Variants in RPH3A observed in about 807,000 individuals in gnomAD.
The protein encoded by RPH3A is rabphilin 3A.
In RPH3A, 48 loss-of-function variants were observed where a neutral mutation model predicts 102.2. The observed-to-expected ratio is 0.47, with a 90% confidence interval of 0.37 to 0.60. The LOEUF (loss-of-function observed/expected upper bound fraction) is 0.60, where lower values mean the gene tolerates loss of function less well. RPH3A is among the 20% of genes least tolerant of loss of function. RPH3A has a pLI of 0.00. For missense variants in RPH3A, 781 were observed against 910.1 expected (o/e 0.86, Z 1.83); for synonymous variants, 310 against 324.3 (o/e 0.96, Z 0.47).
intron 1 of RPH3A, among the ~76,000 whole-genome samples, chr12:112,576,497 G>C (rs575580630): frequency 6.6e-6 from 1 of 152,232 alleles, no homozygotes; most frequent in Admixed American, 6.5e-5. Context: ...GGTATTACAA[G>C]CTTCAGCCAC....
At chr12:112,740,007 C>T (rs998091927) in intron 1 of RPH3A, among the ~76,000 whole-genome samples, 2 of 152,182 alleles carry the variant, frequency 1.3e-5, no homozygotes, top group African/African-American at 2.4e-5. Flanking sequence ...GCCTCACCCT[C>T]CCTTATAGCC....
chr12:112,858,266 C>CAAAAAAAAA (rs1164602599), intron 5 of RPH3A, among the ~76,000 whole-genome samples: 302 of 44,764 alleles, frequency 6.7e-3, no homozygotes, highest in Non-Finnish European at 7.5e-3. Flanking sequence ...GACCCTGTCT[C>CAAAAAAAAA]AAAAAAAAAA....
At chr12:112,866,589 G>A (rs2042614762) in intron 6 of RPH3A, among the ~76,000 whole-genome samples, 168 bp from the exon 7 acceptor site, 1 of 152,160 alleles carries the variant, frequency 6.6e-6, no homozygotes, top group South Asian at 2.1e-4. Context: ...TTGGAAACAA[G>A]ACTCAAATTG....
chr12:112,633,227 A>T (rs2039820123), intron 1 of RPH3A, among the ~76,000 whole-genome samples: 1 of 152,286 alleles, frequency 6.6e-6, no homozygotes, highest in East Asian at 1.9e-4. Context: ...AACAAAAAAG[A>T]TAACAATCTA....
rs143198785 is a variant in RPH3A at position 112,825,827 on chromosome 12, A to G, written c.-18-2474A>G. 7.0e-3 allele frequency among the ~76,000 whole-genome samples: 1,062 copies of G among 152,332 alleles called. 43 individuals are homozygous for G. The highest frequency in any genetic ancestry group is 0.062 in the Admixed American group (955 of 15,298). On this transcript the variant is annotated intron_variant, in intron 2 of 21. Coordinates refer to ENST00000389385, the MANE Select transcript of RPH3A (RefSeq NM_001143854.2). ...ACTTATATTAAATTGGGGTAGTGATAAGAGCTAGGAGGAAAACTAAATCAG... is the reference window on the plus strand; with the variant it reads ...ACTTATATTAAATTGGGGTAGTGATGAGAGCTAGGAGGAAAACTAAATCAG...
intron 1 of RPH3A, among the ~76,000 whole-genome samples, chr12:112,655,322 C>G (rs2040003310): frequency 6.6e-6 from 1 of 152,214 alleles, no homozygotes; most frequent in Non-Finnish European, 1.5e-5. Flanking sequence ...TGCAGACGCA[C>G]CACTCACATT....
At chr12:112,580,853 T>A (rs929195536) in intron 1 of RPH3A, among the ~76,000 whole-genome samples, 3 of 152,198 alleles carry the variant, frequency 2.0e-5, no homozygotes. Context: ...ATCCCTACAT[T>A]GTCAAAGCAC....
upstream of RPH3A, among the ~76,000 whole-genome samples, chr12:112,786,970 C>T (rs1449032573): frequency 6.6e-6 from 1 of 152,048 alleles, no homozygotes; most frequent in Non-Finnish European, 1.5e-5. Context: ...TTTTCTAGAG[C>T]CTGCCCACAT....
intron 4 of RPH3A, among the ~76,000 whole-genome samples, chr12:112,839,305 CT>C (rs141064239): frequency 1.3e-5 from 2 of 151,552 alleles, no homozygotes; most frequent in East Asian, 1.9e-4. Context: ...AAGTTTCACT[CT>C]TTTTTTTCTT....
At chr12:112,838,042 G>A (rs972902511) in intron 4 of RPH3A, among the ~76,000 whole-genome samples, 4 of 152,124 alleles carry the variant, frequency 2.6e-5, no homozygotes, top group African/African-American at 9.7e-5. Flanking sequence ...CAAATAAAGG[G>A]CCAGTCACCA....
chr12:112,822,384 C>T (rs955749361), intron 2 of RPH3A, among the ~76,000 whole-genome samples: 7 of 152,244 alleles, frequency 4.6e-5, no homozygotes, highest in Admixed American at 3.3e-4. Context: ...CGCTGGGTCA[C>T]GTTCAGACAC....
intron 1 of RPH3A, among the ~76,000 whole-genome samples, chr12:112,615,129 A>C (rs1262523532): frequency 6.6e-6 from 1 of 152,148 alleles, no homozygotes; most frequent in Non-Finnish European, 1.5e-5. Flanking sequence ...CAGCACCTTG[A>C]TGGGATCTGG....
chr12:112,630,168 C>T (rs985434108), intron 1 of RPH3A, among the ~76,000 whole-genome samples: 10 of 152,206 alleles, frequency 6.6e-5, no homozygotes, highest in African/African-American at 1.9e-4. Context: ...ATCCATCCAT[C>T]CATCATCCAT....
At chr12:112,648,142 C>T (rs991297615) in intron 1 of RPH3A, among the ~76,000 whole-genome samples, 2 of 152,122 alleles carry the variant, frequency 1.3e-5, no homozygotes, top group Admixed American at 6.5e-5. Flanking sequence ...GTGTATTTCC[C>T]ACTTGTATTT....
chr12:112,819,110 A>G lies in RPH3A; in HGVS notation c.-18-9191A>G, dbSNP rs151065393. ...GAGATATATATATGTGTGTGTGTGT[A>G]TATATATATATTTGAGATGGACTCT... On this transcript the variant is annotated intron_variant, in intron 2 of 21. Coordinates refer to ENST00000389385, the MANE Select transcript of RPH3A (RefSeq NM_001143854.2). Among the ~76,000 whole-genome samples, 749 of 151,152 alleles carry G rather than the reference A, an allele frequency of 5.0e-3. 7 individuals carry two copies. The highest frequency in any genetic ancestry group is 0.017 in the African/African-American group (701 of 41,226).
At chr12:112,750,681 G>A (rs1028199163) in intron 1 of RPH3A, among the ~76,000 whole-genome samples, 6 of 152,132 alleles carry the variant, frequency 3.9e-5, no homozygotes, top group African/African-American at 1.2e-4. Context: ...CTTGAAACAT[G>A]CCTTAACTTT....
chr12:112,735,165 A>G (rs1424889596), intron 1 of RPH3A, among the ~76,000 whole-genome samples: 1 of 152,226 alleles, frequency 6.6e-6, no homozygotes, highest in African/African-American at 2.4e-5. Context: ...CCTCGGGAAA[A>G]TCGCCCAAGG....
chr12:112,856,629 T>C (rs936021285), intron 5 of RPH3A, among the ~76,000 whole-genome samples: 8 of 152,090 alleles, frequency 5.3e-5, no homozygotes, highest in Non-Finnish European at 2.9e-5. Flanking sequence ...TTGAGTCCTA[T>C]AAATTTCTCA....
At position 112,847,804 on chromosome 12, in the gene RPH3A, A is replaced by G; in HGVS notation, c.192A>G (p.Arg64=). 6.2e-7 allele frequency: 1 copy of G among 1,614,204 alleles called. No homozygotes were observed. The highest frequency in any genetic ancestry group is 1.1e-5 in the South Asian group (1 of 91,070). Reference sequence around the variant, plus strand: ...AAATCATCAACAGGGTGATTGCTCGAGCTGAGAAAATGGAAGAGATGGAGC... The same window carrying G: ...AAATCATCAACAGGGTGATTGCTCGGGCTGAGAAAATGGAAGAGATGGAGC... ...EKEIINRVIA[R]AEKMEEMEQE... The change falls in exon 5 of 22, where the codon CGA becomes CGG. Residue 64 remains arginine (R), a synonymous_variant. Coordinates refer to ENST00000389385, the MANE Select transcript of RPH3A (RefSeq NM_001143854.2).
Sources: gnomAD v4.1 joint callset for allele counts (sites outside exome capture counted in the v4.1 genomes callset) on GRCh38, gnomAD v4.1.1 for gene constraint, MANE v1.5 for transcripts, NCBI Gene and HGNC (gene_info 2026-07-23, HGNC 2026-07-21) for gene names.